Variants in PDCL3 observed in about 807,000 individuals in gnomAD.
The protein encoded by PDCL3 is phosducin-like protein 3.
In PDCL3, 22 loss-of-function variants were observed where a neutral mutation model predicts 26.5. That is an observed-to-expected ratio of 0.83 (90% CI 0.59 to 1.19). The LOEUF is 1.19. PDCL3 is among the 50% of genes most tolerant of loss of function. The probability of loss-of-function intolerance (pLI) is 0.00; values close to 1 mark genes in which losing one functional copy is unlikely to be tolerated. For synonymous variants in PDCL3, 81 were observed against 104.9 expected, an observed-to-expected ratio of 0.77 and a Z score of 1.39; for missense variants, 246 against 294.1, an observed-to-expected ratio of 0.84 and a Z score of 1.20.
intron 3 of PDCL3, 113 bp from the exon 4 acceptor site, chr2:100,569,465 T>C (rs773476530): frequency 4.0e-5 from 51 of 1,275,418 alleles, no homozygotes; most frequent in South Asian, 9.3e-5. Flanking sequence ...TGATCTTAGA[T>C]TTTTGCCATA....
intron 5 of PDCL3, among the ~76,000 whole-genome samples, chr2:100,575,295 C>G (rs1353667134): frequency 6.6e-6 from 1 of 152,126 alleles, no homozygotes; most frequent in Non-Finnish European, 1.5e-5. Flanking sequence ...GCCACCATGC[C>G]TGGCTAATTT....
chr2:100,575,816 G>T (rs1357000598), intron 5 of PDCL3, among the ~76,000 whole-genome samples: 1 of 152,194 alleles, frequency 6.6e-6, no homozygotes, highest in Non-Finnish European at 1.5e-5. Flanking sequence ...TAGATTGCCA[G>T]AAGGTCTGTG....
chr2:100,563,172 G>A (rs1674983212), intron 1 of PDCL3, 99 bp downstream of exon 1: 1 of 1,450,698 alleles, frequency 6.9e-7, no homozygotes, highest in Non-Finnish European at 9.2e-7. Flanking sequence ...GGAAGCTCCG[G>A]CGCCGCAGGC....
chr2:100,576,237 G>A, intron 5 of PDCL3, 117 bp from the exon 6 acceptor site: 1 of 1,195,448 alleles, frequency 8.4e-7, no homozygotes. Flanking sequence ...CCATTGTGCT[G>A]GGCCAAATTT....
chr2:100,566,013 C>T (rs947735378), intron 1 of PDCL3, among the ~76,000 whole-genome samples: 2 of 152,150 alleles, frequency 1.3e-5, no homozygotes, highest in Non-Finnish European at 2.9e-5. Context: ...ATGCCATTCT[C>T]CTGCCTCAGC....
intron 1 of PDCL3, 108 bp downstream of exon 1, chr2:100,563,181 G>C (rs1178614739): frequency 7.2e-7 from 1 of 1,393,214 alleles, no homozygotes; most frequent in Non-Finnish European, 9.7e-7. Flanking sequence ...GGCGCCGCAG[G>C]CACGAGGGAG....
chr2:100,566,196 C>T (rs1259275552), intron 1 of PDCL3, among the ~76,000 whole-genome samples: 1 of 138,080 alleles, frequency 7.2e-6, no homozygotes, highest in East Asian at 2.8e-4. Context: ...AGCCACTGTG[C>T]CCGGCACTCT....
At chr2:100,563,746 G>T (rs920081393) in intron 1 of PDCL3, among the ~76,000 whole-genome samples, 1 of 152,082 alleles carries the variant, frequency 6.6e-6, no homozygotes, top group East Asian at 1.9e-4. Context: ...GCACTATTGT[G>T]GGTGAAAACC....
At position 100,575,549 on chromosome 2, in the gene PDCL3, G is replaced by A. The variant is rs28516824; in HGVS notation, c.578-805G>A. On this transcript the variant is annotated intron_variant, in intron 5 of 5. Transcript: ENST00000264254. ...TACGTAGTCCTTTGGTTCTGCCTGG[G>A]CTCTTCTCTGAAGTAGGCAAATACA... Among the ~76,000 whole-genome samples the A allele has an allele frequency of 2.7e-3, 416 of 152,288 alleles. 5 individuals carry two copies. Among genetic ancestry groups the A allele is most frequent in the African/African-American group, 9.7e-3 (402 of 41,558 alleles).
intron 1 of PDCL3, chr2:100,563,436 G>C (rs1674994435): frequency 9.6e-6 from 2 of 209,134 alleles, no homozygotes; most frequent in Admixed American, 6.0e-5. Flanking sequence ...GTTAGGAAGC[G>C]GAGGGTCCGG....
At chr2:100,565,435 C>A (rs907744851) in intron 1 of PDCL3, among the ~76,000 whole-genome samples, 1 of 151,960 alleles carries the variant, frequency 6.6e-6, no homozygotes, top group African/African-American at 2.4e-5. Context: ...CCACCACGCC[C>A]GGCTAATTTT....
At chr2:100,564,798 T>C (rs901336900) in intron 1 of PDCL3, among the ~76,000 whole-genome samples, 6 of 152,192 alleles carry the variant, frequency 3.9e-5, no homozygotes, top group African/African-American at 1.4e-4. Context: ...CATCAGTCTT[T>C]GTGACAATGA....
Position 100,563,028 on chromosome 2 carries a change from C to G in PDCL3, c.-40C>G. ...AAAAGAGAGCTGAGGGGCGGGGGCG[C>G]TGCGGCACAGCTGGTTTGAGCAACT... On this transcript the variant is annotated 5_prime_UTR_variant, in exon 1 of 6. Transcript: ENST00000264254. 6.3e-7 allele frequency: 1 copy of G among 1,587,892 alleles called. No individual in the cohort carries two copies. Among genetic ancestry groups the G allele is most frequent in the Non-Finnish European group, 8.6e-7 (1 of 1,167,950 alleles).
At chr2:100,575,356 C>A (rs180950689) in intron 5 of PDCL3, among the ~76,000 whole-genome samples, 7 of 152,230 alleles carry the variant, frequency 4.6e-5, no homozygotes, top group Admixed American at 2.6e-4. Flanking sequence ...AGGATGGTCT[C>A]GATCTCCAGA....
chr2:100,574,652 G>A (rs994869204), intron 5 of PDCL3, among the ~76,000 whole-genome samples: 11 of 152,120 alleles, frequency 7.2e-5, no homozygotes, highest in African/African-American at 2.4e-4. Flanking sequence ...TATACAATAC[G>A]TTATTATTCA....
At chr2:100,572,196 C>T (rs754494762) in intron 5 of PDCL3, among the ~76,000 whole-genome samples, 9 of 152,076 alleles carry the variant, frequency 5.9e-5, no homozygotes, top group Non-Finnish European at 1.3e-4. Context: ...ATGTTAGTAG[C>T]TTTTACATTT....
rs1256420987 is a variant in PDCL3 at position 100,575,926 on chromosome 2, G to A, written c.578-428G>A. On this transcript the variant is annotated intron_variant, in intron 5 of 5. Transcript: ENST00000264254. ...CTTTGTATTTTTGAGACAGGGTCTC[G>A]CTCTGTCGTGTAGGCTGGAGTGCAG... Among the ~76,000 whole-genome samples the A allele has an allele frequency of 9.2e-5, 14 of 152,104 alleles. No individual in the cohort carries two copies. The South Asian group carries it at 1.0e-3, about 11-fold the overall frequency.
At chr2:100,567,772 C>G (rs1675084888) in intron 2 of PDCL3, among the ~76,000 whole-genome samples, 1 of 151,670 alleles carries the variant, frequency 6.6e-6, no homozygotes, top group Non-Finnish European at 1.5e-5. Flanking sequence ...GCCTTTACAC[C>G]TAATGAGGCA....
At chr2:100,566,225 T>C (rs756131079) in intron 1 of PDCL3, among the ~76,000 whole-genome samples, 2 of 152,028 alleles carry the variant, frequency 1.3e-5, no homozygotes, top group African/African-American at 4.8e-5. Flanking sequence ...ATTAAAAATA[T>C]TGAACACATG....
Sources: gnomAD v4.1 joint callset for allele counts (sites outside exome capture counted in the v4.1 genomes callset) on GRCh38, gnomAD v4.1.1 for gene constraint, MANE v1.5 for transcripts, NCBI Gene and HGNC (gene_info 2026-07-23, HGNC 2026-07-21) for gene names.